The following WSCD2 variants were observed in gnomAD, a reference collection of about 807,000 sequenced individuals.
WSCD2 encodes WSC domain sialate O sulfotransferase 2, also known as sialate:O-sulfotransferase 2.
Under a neutral mutation model 55.7 loss-of-function variants are expected in WSCD2, and 28 were observed. That is an observed-to-expected ratio of 0.50 (90% CI 0.37 to 0.69). The LOEUF is 0.69. WSCD2 is among the 30% of genes least tolerant of loss of function. The pLI is 0.00. For missense variants in WSCD2, 616 were observed against 762.1 expected (o/e 0.81, Z 2.26); for synonymous variants, 301 against 301.9 (o/e 1.00, Z 0.03).
At chr12:108,197,505 T>C (rs1192181973) in intron 2 of WSCD2, among the ~76,000 whole-genome samples, 1 of 152,180 alleles carries the variant, frequency 6.6e-6, no homozygotes, top group Non-Finnish European at 1.5e-5. Context: ...CAAATGGTTT[T>C]ACCTTCTCCC....
At chr12:108,198,649 T>C (rs1884267176) in intron 2 of WSCD2, among the ~76,000 whole-genome samples, 2 of 152,250 alleles carry the variant, frequency 1.3e-5, no homozygotes, top group Non-Finnish European at 2.9e-5. Context: ...TTGCTTTTCA[T>C]GTATTATTTG....
In WSCD2 at chr12:108,226,913, C is replaced by A. The variant is rs148389778; in HGVS notation, c.805-77C>A. On this transcript the variant is annotated intron_variant, in intron 5 of 8. Coordinates refer to ENST00000547525, the MANE Select transcript of WSCD2 (RefSeq NM_014653.4). ...GAAGACAGTGGTTGAAATGCAAATCCTGTTCTCCATTTGGAGTCTGAAGCT... is the reference window on the plus strand; with the variant it reads ...GAAGACAGTGGTTGAAATGCAAATCATGTTCTCCATTTGGAGTCTGAAGCT... 641 of 1,486,840 alleles carry A rather than the reference C, an allele frequency of 4.3e-4. 6 individuals carry two copies. The African/African-American group carries it at 8.1e-3, about 19-fold the overall frequency. The allele number at this position is 1,486,840 out of a possible 1,614,324, so 92.1% of individuals were successfully genotyped here. A position where few individuals can be genotyped will look rare whatever the true frequency, so the allele number is the denominator to read the frequency against.
intron 1 of WSCD2, among the ~76,000 whole-genome samples, chr12:108,139,020 G>A (rs1054300824): frequency 2.6e-5 from 4 of 152,192 alleles, no homozygotes; most frequent in African/African-American, 9.7e-5. Flanking sequence ...CTGGTGCATA[G>A]TAGACGCTCA....
intron 7 of WSCD2, among the ~76,000 whole-genome samples, chr12:108,233,650 A>T (rs186673104): frequency 4.0e-5 from 6 of 151,178 alleles, no homozygotes; most frequent in African/African-American, 1.2e-4. Flanking sequence ...AAGTCACACA[A>T]TTTTTTTTTT....
intron 1 of WSCD2, among the ~76,000 whole-genome samples, chr12:108,136,312 C>T (rs1204407035): frequency 6.6e-6 from 1 of 152,252 alleles, no homozygotes; most frequent in Non-Finnish European, 1.5e-5. Context: ...TCTGCGCCAA[C>T]TGACTTAGTG....
chr12:108,223,353 T>C (rs1390481926), intron 4 of WSCD2, among the ~76,000 whole-genome samples: 1 of 152,230 alleles, frequency 6.6e-6, no homozygotes, highest in Non-Finnish European at 1.5e-5. Context: ...AAAATTGATA[T>C]TTTATAACCT....
intron 7 of WSCD2, 134 bp downstream of exon 7, chr12:108,233,029 A>C: frequency 1.6e-6 from 2 of 1,218,826 alleles, no homozygotes; most frequent in Middle Eastern, 2.7e-4. Context: ...ACTTTTTGAG[A>C]CTCACTGCAT....
intron 7 of WSCD2, among the ~76,000 whole-genome samples, chr12:108,238,802 A>G (rs957571195): frequency 1.3e-5 from 2 of 152,200 alleles, no homozygotes; most frequent in Non-Finnish European, 2.9e-5. Context: ...CTTAGCTTGC[A>G]TGAGCTAAGG....
rs184524865 is a variant in WSCD2, at chr12:108,133,253, T to C, written c.-552+3327T>C. 2.6e-5 allele frequency among the ~76,000 whole-genome samples: 4 copies of C among 152,298 alleles called. No individual in the cohort carries two copies. In the East Asian group the frequency reaches 7.7e-4, roughly 29 times the overall value. ...GTCAGTTGCAGCGTACATTTGAGTG[T>C]GTCTGTGTGCACGTGAGTGTCTCTG... is the stretch of plus-strand genomic sequence containing the variant. On this transcript the variant is annotated intron_variant, in intron 1 of 8. Transcript: ENST00000547525.
chr12:108,168,384 A>G (rs1227861718), intron 1 of WSCD2, among the ~76,000 whole-genome samples: 1 of 152,098 alleles, frequency 6.6e-6, no homozygotes, highest in African/African-American at 2.4e-5. Context: ...TCTCCCTTAA[A>G]TGTCCCTTTA....
chr12:108,235,805 TA>T (rs747727507), intron 7 of WSCD2, among the ~76,000 whole-genome samples: 12 of 152,118 alleles, frequency 7.9e-5, no homozygotes, highest in Non-Finnish European at 1.6e-4. Context: ...TTAGGAGCTT[TA>T]AAATCCTTCC....
intron 1 of WSCD2, among the ~76,000 whole-genome samples, chr12:108,173,606 C>A (rs114716969): frequency 6.6e-6 from 1 of 151,918 alleles, no homozygotes; most frequent in Non-Finnish European, 1.5e-5. Flanking sequence ...ACTGATTGCC[C>A]AGTAGATGCT....
chr12:108,186,149 C>G (rs1272467302), intron 1 of WSCD2, among the ~76,000 whole-genome samples: 2 of 152,222 alleles, frequency 1.3e-5, no homozygotes, highest in Non-Finnish European at 2.9e-5. Context: ...TTGACATGTA[C>G]CTCAGTGGGT....
intron 4 of WSCD2, among the ~76,000 whole-genome samples, chr12:108,211,559 G>A (rs978408967): frequency 6.6e-6 from 1 of 151,416 alleles, no homozygotes; most frequent in African/African-American, 2.4e-5. Context: ...AGGGCCTCTT[G>A]CATGTGAATT....
intron 2 of WSCD2, among the ~76,000 whole-genome samples, chr12:108,202,217 C>T (rs554226081): frequency 6.6e-6 from 1 of 152,228 alleles, no homozygotes; most frequent in Admixed American, 6.5e-5. Flanking sequence ...ACCAAAGGTC[C>T]GTGGGAAAGG....
At chr12:108,239,158 A>G (rs1410483314) in intron 7 of WSCD2, among the ~76,000 whole-genome samples, 1 of 151,934 alleles carries the variant, frequency 6.6e-6, no homozygotes, top group Non-Finnish European at 1.5e-5. Context: ...CTCCAGCCCC[A>G]TGCTCCCCTC....
chr12:108,247,683 G>C (rs144931630), intron 8 of WSCD2, among the ~76,000 whole-genome samples: 88 of 152,294 alleles, frequency 5.8e-4, no homozygotes, highest in African/African-American at 1.9e-3. Context: ...AGCCTCCTGA[G>C]TAACAAGGAC....
chr12:108,235,256 G>C (rs1889162391), intron 7 of WSCD2, among the ~76,000 whole-genome samples: 1 of 152,140 alleles, frequency 6.6e-6, no homozygotes, highest in African/African-American at 2.4e-5. Context: ...GTGAGCCTGT[G>C]GTGTAAAATA....
chr12:108,140,975 T>C (rs1876741097), intron 1 of WSCD2, among the ~76,000 whole-genome samples: 1 of 152,262 alleles, frequency 6.6e-6, no homozygotes, highest in South Asian at 2.1e-4. Context: ...GAGTTCCCTA[T>C]GGCTACGGGA....
Sources: gnomAD v4.1 joint callset for allele counts (sites outside exome capture counted in the v4.1 genomes callset) on GRCh38, gnomAD v4.1.1 for gene constraint, MANE v1.5 for transcripts, NCBI Gene and HGNC (gene_info 2026-07-23, HGNC 2026-07-21) for gene names.